USP5: variants seen among roughly 807,000 people sequenced by gnomAD.
USP5 encodes the protein ubiquitin carboxyl-terminal hydrolase 5.
USP5 carries 24 observed loss-of-function variants against 102.5 expected under a neutral mutation model. The observed-to-expected ratio is 0.23, with a 90% CI of 0.17 to 0.33. USP5 has a LOEUF of 0.33. Among genes scored for constraint, USP5 ranks in the 10% least tolerant of loss-of-function variants. The pLI is 1.00. For synonymous variants in USP5, 460 were observed against 434.8 expected, an observed-to-expected ratio of 1.06 and a Z score of -0.72; for missense variants, 753 against 1,122.1, an observed-to-expected ratio of 0.67 and a Z score of 4.70.
In USP5 at chr12:6,856,849, C is replaced by G. The variant is rs373947454; in HGVS notation, c.727C>G (p.Pro243Ala). The change falls in exon 6 of 20, where the codon CCG (proline) becomes GCG (alanine). Residue 243 changes from proline to alanine, a missense_variant. Coordinates refer to ENST00000229268, the MANE Select transcript of USP5 (RefSeq NM_001098536.2). This position sits in a 1 kb window ranked among gnomAD's most constrained non-coding sequence, Gnocchi z 5.6. Reference sequence around the variant, plus strand: ...GGAGCACTACCGAGAGACAGGCTACCCGTTAGCTGTCAAGCTGGGCACCAT... The same window carrying G: ...GGAGCACTACCGAGAGACAGGCTACGCGTTAGCTGTCAAGCTGGGCACCAT... ...AVEHYRETGY[P>A]LAVKLGTITP... is the part of the protein sequence containing the mutation. The G allele has an allele frequency of 6.2e-7, 1 of 1,614,048 alleles. No homozygotes were observed. The highest frequency in any genetic ancestry group is 8.5e-7 in the Non-Finnish European group (1 of 1,180,038).
At position 6,856,281 on chromosome 12, in the gene USP5, C is replaced by T. The variant is rs1555128259; in HGVS notation, c.439-24C>T. 3.1e-6 allele frequency: 5 copies of T among 1,608,370 alleles called. No homozygotes were observed. In the African/African-American group the frequency reaches 4.0e-5, roughly 13 times the overall value. ...ATGTGGGGCAGGGGGTTGGGTATTG[C>T]CTCTGACCCTCTGCTTCCCCCAGGT... On this transcript the variant is annotated intron_variant, in intron 4 of 19. Coordinates refer to ENST00000229268, the MANE Select transcript of USP5 (RefSeq NM_001098536.2). This position sits in a 1 kb window ranked among gnomAD's most constrained non-coding sequence, Gnocchi z 5.6.
Position 6,858,277 on chromosome 12 carries a change from G to A in USP5, c.865-147G>A, listed in dbSNP as rs781905351. 39 of 771,754 alleles carry A rather than the reference G, an allele frequency of 5.1e-5. No individual in the cohort carries two copies. The African/African-American group carries it at 5.4e-4, about 11-fold the overall frequency. The allele number at this position is 771,754 out of a possible 1,614,324, so 47.8% of individuals were successfully genotyped here. A position where few individuals can be genotyped will look rare whatever the true frequency, so the allele number is the denominator to read the frequency against. ...TGGCCTTCCAGAACTTGAACTGGAC[G>A]ATACTCAACATACCTCCCATGTTTG... is the stretch of plus-strand genomic sequence containing the variant. On this transcript the variant is annotated intron_variant, in intron 7 of 19. Transcript: ENST00000229268. The surrounding 1 kb of genome is among the most constrained non-coding windows in gnomAD (Gnocchi z 4.2).
At position 6,860,973 on chromosome 12, in the gene USP5, A is replaced by T. The variant is rs1944261601; in HGVS notation, c.1365A>T (p.Glu455Asp). Reference protein sequence around the residue: ...NMVERNCRSSENPNEVFRFLV... With the variant: ...NMVERNCRSSDNPNEVFRFLV... Reference sequence around the variant, plus strand: ...CATAGAGGAATTGCCGGAGCTCTGAAAATCCTAATGAAGTGTTCCGCTTCT... The same window carrying T: ...CATAGAGGAATTGCCGGAGCTCTGATAATCCTAATGAAGTGTTCCGCTTCT... Residue 455 changes from glutamate to aspartate, a missense_variant, in exon 12 of 20, where the codon GAA becomes GAT. This residue lies in a region of USP5 where 527 missense variants were observed against 816.5 expected (regional missense o/e 0.65). Coordinates refer to ENST00000229268, the MANE Select transcript of USP5 (RefSeq NM_001098536.2). This position sits in a 1 kb window ranked among gnomAD's most constrained non-coding sequence, Gnocchi z 5.5. 1 of 1,613,978 alleles carries T rather than the reference A, an allele frequency of 6.2e-7. No homozygotes were observed. Among genetic ancestry groups the T allele is most frequent in the South Asian group, 1.1e-5 (1 of 91,066 alleles).
In USP5 at chr12:6,855,602, T is replaced by C; in HGVS notation, c.237+76T>C. 2 of 1,591,252 alleles carry C rather than the reference T, an allele frequency of 1.3e-6. No homozygotes were observed. The highest frequency in any genetic ancestry group is 2.3e-5 in the South Asian group (2 of 87,944). ...ACCTCCTATTGGACTCAGTTTCTTT[T>C]TTTCACCTACTTTTGTGTCATTAAA... On this transcript the variant is annotated intron_variant, in intron 2 of 19. Transcript: ENST00000229268. The surrounding 1 kb of genome is among the most constrained non-coding windows in gnomAD (Gnocchi z 4.6).
rs1248020900 is a variant in USP5, at chr12:6,860,221, C to T, written c.1201C>T (p.Arg401Trp). Reference protein sequence around the residue: ...KPVPESGDGERVPEQKEVQDG... With the variant: ...KPVPESGDGEWVPEQKEVQDG... ...AGTACCGGAGTCGGGCGATGGGGAG[C>T]GGGTGCCAGAACAGAAGGTGCGTCT... Residue 401 changes from arginine (R) to tryptophan (W), a missense_variant, in exon 10 of 20, where the codon CGG becomes TGG. Physicochemically the swap from Arg to Trp is moderately radical, Grantham distance 101. This residue lies in a region of USP5 where 527 missense variants were observed against 816.5 expected (regional missense o/e 0.65). Transcript: ENST00000229268. This position sits in a 1 kb window ranked among gnomAD's most constrained non-coding sequence, Gnocchi z 5.5. The T allele has an allele frequency of 1.0e-5, 16 of 1,607,996 alleles. No individual in the cohort carries two copies. The highest frequency in any genetic ancestry group is 1.3e-5 in the Non-Finnish European group (15 of 1,178,218).
chr12:6,856,211 C>G lies in USP5; in HGVS notation c.438+61C>G. On this transcript the variant is annotated intron_variant, in intron 4 of 19. Coordinates refer to ENST00000229268, the MANE Select transcript of USP5 (RefSeq NM_001098536.2). This position sits in a 1 kb window ranked among gnomAD's most constrained non-coding sequence, Gnocchi z 5.6. ...GCAAGATGGGCCAGGGTAGTGGTGT[C>G]TTAGGCAAGCACTGACAAAGCTGAA... 6 of 1,609,222 alleles carry G rather than the reference C, an allele frequency of 3.7e-6. No homozygotes were observed. The highest frequency in any genetic ancestry group is 4.2e-6 in the Non-Finnish European group (5 of 1,176,704).
Position 6,858,869 on chromosome 12 carries a change from A to AG in USP5, c.1058+253dup, listed in dbSNP as rs1944193899. 2.8e-6 allele frequency: 1 copy of AG among 357,486 alleles called. No homozygotes were observed. Among genetic ancestry groups the AG allele is most frequent in the Non-Finnish European group, 5.2e-6 (1 of 190,760 alleles). 22.1% of individuals were successfully genotyped at this position (357,486 alleles called of 1,614,324 possible). A position where few individuals can be genotyped will look rare whatever the true frequency, so the allele number is the denominator to read the frequency against. On this transcript the variant is annotated intron_variant, in intron 8 of 19. Transcript: ENST00000229268. This position sits in a 1 kb window ranked among gnomAD's most constrained non-coding sequence, Gnocchi z 4.2. The stretch of plus-strand genomic sequence containing the variant: ...CCCTGTCTTCTCTTAAAAAAAAAAA[A>AG]GAATAATTCCTGTCACACTCTGGCT...
At chr12:6,853,814 G>A (rs1076865) in intron 1 of USP5, among the ~76,000 whole-genome samples, 8,454 of 152,194 alleles carry the variant, frequency 0.056, 691 homozygotes, top group East Asian at 0.26. Context: ...TGACCTCCCC[G>A]GTGAGAAATG....
At position 6,856,156 on chromosome 12, in the gene USP5, A is replaced by G. The variant is rs1555128202; in HGVS notation, c.438+6A>G. The G allele has an allele frequency of 6.2e-7, 1 of 1,613,972 alleles. No homozygotes were observed. The highest frequency in any genetic ancestry group is 1.7e-5 in the Admixed American group (1 of 60,010). ...CTGACATTGTCAGAGATCGGGTATG[A>G]CTGCCCCCTATGCTACCCAAGATTC... On this transcript the variant is annotated splice_donor_region_variant and intron_variant, in intron 4 of 19. Coordinates refer to ENST00000229268, the MANE Select transcript of USP5 (RefSeq NM_001098536.2). The surrounding 1 kb of genome is among the most constrained non-coding windows in gnomAD (Gnocchi z 5.6).
Position 6,861,976 on chromosome 12 carries a change from C to T in USP5, c.1673+359C>T, listed in dbSNP as rs1944290023. Among the ~76,000 whole-genome samples the T allele has an allele frequency of 1.3e-5, 2 of 151,976 alleles. No individual in the cohort carries two copies. Among genetic ancestry groups the T allele is most frequent in the South Asian group, 2.1e-4 (1 of 4,812 alleles). The stretch of plus-strand genomic sequence containing the variant: ...GCCACACTTTGAGCCTAGCCATTGG[C>T]ACCTGGCATGGGTGTGAGACCTGAA... On this transcript the variant is annotated intron_variant, in intron 13 of 19. Transcript: ENST00000229268. The surrounding 1 kb of genome is among the most constrained non-coding windows in gnomAD (Gnocchi z 4.9).
At chr12:6,857,035 C>T in intron 6 of USP5, 144 bp downstream of exon 6, 1 of 1,165,888 alleles carries the variant, frequency 8.6e-7, no homozygotes, top group Non-Finnish European at 1.2e-6. Context: ...TTTGCAATCC[C>T]AACACTTTGG....
chr12:6,860,583 T>C lies in USP5; in HGVS notation c.1344+92T>C. On this transcript the variant is annotated intron_variant, in intron 11 of 19. Transcript: ENST00000229268. This position sits in a 1 kb window ranked among gnomAD's most constrained non-coding sequence, Gnocchi z 5.5. ...TCTCCCTCTATCAGCCCCAACCCAG[T>C]CCCATCCCTGAACCCCAACAGTCTG... 1 of 1,575,568 alleles carries C rather than the reference T, an allele frequency of 6.3e-7. No individual in the cohort carries two copies. Among genetic ancestry groups the C allele is most frequent in the East Asian group, 2.2e-5 (1 of 44,648 alleles).
chr12:6,863,519 C>T lies in USP5; in HGVS notation c.1954+142C>T. ...CCCTCTTTGATTGACATGGGGCCTC[C>T]CCAGCGCACTCCTAGCCACCTTCTG... On this transcript the variant is annotated intron_variant, in intron 15 of 19. Transcript: ENST00000229268. This position sits in a 1 kb window ranked among gnomAD's most constrained non-coding sequence, Gnocchi z 4.7. 1 of 1,097,166 alleles carries T rather than the reference C, an allele frequency of 9.1e-7. No homozygotes were observed. Among genetic ancestry groups the T allele is most frequent in the South Asian group, 1.6e-5 (1 of 63,332 alleles). The allele number at this position is 1,097,166 out of a possible 1,614,324, so 68.0% of individuals were successfully genotyped here. A position where few individuals can be genotyped will look rare whatever the true frequency, so the allele number is the denominator to read the frequency against.
At position 6,862,459 on chromosome 12, in the gene USP5, C is replaced by G. The variant is rs1348288330; in HGVS notation, c.1674-11C>G. On this transcript the variant is annotated splice_polypyrimidine_tract_variant and intron_variant, in intron 13 of 19. Coordinates refer to ENST00000229268, the MANE Select transcript of USP5 (RefSeq NM_001098536.2). ...GATTGTCTGGGTACCAGCACAGTCT[C>G]TCTTCCCTAGGACCACACGATTTGC... 1.2e-6 allele frequency: 2 copies of G among 1,612,972 alleles called. No individual in the cohort carries two copies. Among genetic ancestry groups the G allele is most frequent in the African/African-American group, 1.3e-5 (1 of 74,874 alleles).
At position 6,858,411 on chromosome 12, in the gene USP5, C is replaced by G. The variant is rs1591607012; in HGVS notation, c.865-13C>G. On this transcript the variant is annotated splice_polypyrimidine_tract_variant and intron_variant, in intron 7 of 19. Coordinates refer to ENST00000229268, the MANE Select transcript of USP5 (RefSeq NM_001098536.2). The surrounding 1 kb of genome is among the most constrained non-coding windows in gnomAD (Gnocchi z 4.2). ...AGTTTCTCACTCAGTCTGAAGTGCC[C>G]CTTCTCACACAGACAGACAAGACGA... 1.3e-6 allele frequency: 2 copies of G among 1,591,660 alleles called. No homozygotes were observed. Among genetic ancestry groups the G allele is most frequent in the Non-Finnish European group, 1.7e-6 (2 of 1,160,892 alleles).
chr12:6,859,364 A>G, intron 8 of USP5, 106 bp from the exon 9 acceptor site: 1 of 1,123,704 alleles, frequency 8.9e-7, no homozygotes, highest in South Asian at 1.3e-5. Context: ...GCAACTCCCC[A>G]CTCTTGAGGG....
In USP5 at chr12:6,859,557, C is replaced by G. The variant is rs782527252; in HGVS notation, c.1130+16C>G. The G allele has an allele frequency of 4.3e-6, 7 of 1,613,690 alleles. No homozygotes were observed. In the East Asian group the frequency reaches 1.3e-4, roughly 31 times the overall value. On this transcript the variant is annotated intron_variant, in intron 9 of 19. Transcript: ENST00000229268. The stretch of plus-strand genomic sequence containing the variant: ...GCACCCAGGTGTATGTAACCAGGTC[C>G]TATGTAGGAAAGCTGTTGACAGTCA...
Position 6,856,990 on chromosome 12 carries a change from T to G in USP5, c.769+99T>G. 7.0e-7 allele frequency: 1 copy of G among 1,438,056 alleles called. No individual in the cohort carries two copies. Among genetic ancestry groups the G allele is most frequent in the South Asian group, 1.4e-5 (1 of 72,882 alleles). The allele number at this position is 1,438,056 out of a possible 1,614,324, so 89.1% of individuals were successfully genotyped here. A position where few individuals can be genotyped will look rare whatever the true frequency, so the allele number is the denominator to read the frequency against. On this transcript the variant is annotated intron_variant, in intron 6 of 19. Coordinates refer to ENST00000229268, the MANE Select transcript of USP5 (RefSeq NM_001098536.2). This position sits in a 1 kb window ranked among gnomAD's most constrained non-coding sequence, Gnocchi z 5.6. ...ATAATACATGAATGCATTATCTTGA[T>G]AAGAAAGGAAAGTAGTCAGGTGCGG... is the stretch of plus-strand genomic sequence containing the variant.
chr12:6,853,510 A>G (rs1175946015), intron 1 of USP5, among the ~76,000 whole-genome samples: 4 of 152,230 alleles, frequency 2.6e-5, no homozygotes, highest in South Asian at 4.1e-4. Context: ...TTAATTTCCA[A>G]CAGAGGAGTT....
Sources: gnomAD v4.1 joint callset for allele counts (sites outside exome capture counted in the v4.1 genomes callset) on GRCh38, gnomAD v4.1.1 for gene constraint, gnomAD v4.1.1 regional missense constraint, Gnocchi (gnomAD v3.1) non-coding constraint, MANE v1.5 for transcripts, NCBI Gene and HGNC (gene_info 2026-07-23, HGNC 2026-07-21) for gene names.